HDLBP: variants seen among roughly 807,000 people sequenced by gnomAD.
The protein encoded by HDLBP is vigilin.
Under a neutral mutation model 137.3 loss-of-function variants are expected in HDLBP, and 30 were observed. The observed-to-expected ratio is 0.22, with a 90% CI of 0.16 to 0.30. HDLBP has a LOEUF of 0.30. Among genes scored for constraint, HDLBP ranks in the 10% least tolerant of loss-of-function variants. The pLI is 1.00. For synonymous variants in HDLBP, 606 were observed against 596.0 expected (o/e 1.02, Z -0.24); for missense variants, 1,119 against 1,667.3 (o/e 0.67, Z 5.73).
At chr2:241,281,950 G>C (rs1405333140) in intron 1 of HDLBP, among the ~76,000 whole-genome samples, 1 of 152,160 alleles carries the variant, frequency 6.6e-6, no homozygotes, top group East Asian at 1.9e-4. Flanking sequence ...TGACAAGGGA[G>C]TTTTTCTCAT....
At chr2:241,255,180 C>G in intron 8 of HDLBP, 22 bp from the exon 9 acceptor site, 1 of 1,603,962 alleles carries the variant, frequency 6.2e-7, no homozygotes, top group South Asian at 1.1e-5. Flanking sequence ...GGAGAACAGC[C>G]ATGGGTTTGC....
intron 1 of HDLBP, chr2:241,273,266 A>G: frequency 1.1e-5 from 11 of 976,976 alleles, no homozygotes; most frequent in Non-Finnish European, 1.3e-5. Context: ...CAGGGCTTTC[A>G]TTCCCTCATT....
Position 241,284,319 on chromosome 2 carries a change from G to A in HDLBP, c.-102-15778C>T, listed in dbSNP as rs375342228. On this transcript the variant is annotated intron_variant, in intron 1 of 27. Transcript: ENST00000310931. ...CATTCCGGATGCCATGACTTTGAGG[G>A]GTTCAAGACTTCAGTGGAGAAAGCA... Among the ~76,000 whole-genome samples the A allele has an allele frequency of 7.2e-5, 11 of 152,000 alleles. No individual in the cohort carries two copies. The South Asian group carries it at 1.0e-3, about 14-fold the overall frequency.
Position 241,240,271 on chromosome 2 carries a change from C to T in HDLBP, c.2170-149G>A. On this transcript the variant is annotated intron_variant, in intron 17 of 27. Transcript: ENST00000310931. The surrounding 1 kb of genome is among the most constrained non-coding windows in gnomAD (Gnocchi z 5.5). ...TTGCACCAATACCCCCAAAATGGGG[C>T]TAGCACACCTCACTGAATAAACAGA... is the stretch of plus-strand genomic sequence containing the variant. The T allele has an allele frequency of 1.4e-6, 1 of 713,406 alleles. No homozygotes were observed. The allele number at this position is 713,406 out of a possible 1,614,324, so 44.2% of individuals were successfully genotyped here. A position where few individuals can be genotyped will look rare whatever the true frequency, so the allele number is the denominator to read the frequency against.
intron 24 of HDLBP, among the ~76,000 whole-genome samples, chr2:241,232,289 T>TA (rs2069858076): frequency 6.6e-6 from 1 of 152,026 alleles, no homozygotes; most frequent in Non-Finnish European, 1.5e-5. Context: ...TTTTTTTTTT[T>TA]TTTAAAGACA....
In HDLBP at chr2:241,230,653, G is replaced by T; in HGVS notation, c.3474+106C>A. 1.0e-6 allele frequency: 1 copy of T among 953,398 alleles called. No individual in the cohort carries two copies. 59.1% of individuals were successfully genotyped at this position (953,398 alleles called of 1,614,324 possible). A position where few individuals can be genotyped will look rare whatever the true frequency, so the allele number is the denominator to read the frequency against. On this transcript the variant is annotated intron_variant, in intron 25 of 27. Transcript: ENST00000310931. The surrounding 1 kb of genome is among the most constrained non-coding windows in gnomAD (Gnocchi z 5.0). ...GTTCCACTGCCAGCCCTGGGGTTGT[G>T]GCCTCATCATCTTGAGGGGAAGGCC...
intron 1 of HDLBP, among the ~76,000 whole-genome samples, chr2:241,287,786 A>T (rs895322609): frequency 1.3e-5 from 2 of 152,348 alleles, no homozygotes; most frequent in African/African-American, 4.8e-5. Context: ...TTGTACATGC[A>T]TAAGACCTCT....
intron 1 of HDLBP, among the ~76,000 whole-genome samples, chr2:241,277,500 A>G (rs1483448112): frequency 6.6e-6 from 1 of 152,250 alleles, no homozygotes; most frequent in Non-Finnish European, 1.5e-5. Flanking sequence ...AACTACAGCT[A>G]AAATGGAGAC....
intron 11 of HDLBP, among the ~76,000 whole-genome samples, chr2:241,252,379 G>A (rs778805018): frequency 2.0e-5 from 3 of 152,202 alleles, no homozygotes; most frequent in Non-Finnish European, 4.4e-5. Flanking sequence ...GCATGCACCT[G>A]TAGTCCCAGC....
chr2:241,241,351 A>G (rs1206567342), intron 17 of HDLBP, among the ~76,000 whole-genome samples: 1 of 151,958 alleles, frequency 6.6e-6, no homozygotes, highest in Non-Finnish European at 1.5e-5. Context: ...GCGGATCACG[A>G]GGTCAGGAGA....
At chr2:241,232,506 C>T (rs1039169972) in intron 24 of HDLBP, among the ~76,000 whole-genome samples, 1 of 152,168 alleles carries the variant, frequency 6.6e-6, no homozygotes, top group African/African-American at 2.4e-5. Flanking sequence ...GAACTCCTGA[C>T]CTCAGGGGAT....
chr2:241,300,722 C>T (rs2075365571), intron 1 of HDLBP, among the ~76,000 whole-genome samples: 2 of 152,158 alleles, frequency 1.3e-5, no homozygotes, highest in African/African-American at 4.8e-5. Context: ...AGGCCAGGTC[C>T]TCCTCTCTCT....
rs116806277 is a variant in HDLBP, at chr2:241,240,262, A to G, written c.2170-140T>C. 9.6e-3 allele frequency: 7,381 copies of G among 768,302 alleles called. 120 individuals carry two copies. The highest frequency in any genetic ancestry group is 0.059 in the African/African-American group (3,450 of 58,564). 47.6% of individuals were successfully genotyped at this position (768,302 alleles called of 1,614,324 possible). A position where few individuals can be genotyped will look rare whatever the true frequency, so the allele number is the denominator to read the frequency against. ...GTCCTGATGTTGCACCAATACCCCC[A>G]AAATGGGGCTAGCACACCTCACTGA... On this transcript the variant is annotated intron_variant, in intron 17 of 27. Transcript: ENST00000310931. The surrounding 1 kb of genome is among the most constrained non-coding windows in gnomAD (Gnocchi z 5.5).
chr2:241,252,924 A>G (rs368500242), intron 11 of HDLBP, 33 bp downstream of exon 11: 121 of 1,504,374 alleles, frequency 8.0e-5, no homozygotes, highest in Non-Finnish European at 1.1e-4. Flanking sequence ...CTCAGGGCAC[A>G]CTGGCCCCAC....
rs376021997 is a variant in HDLBP, at chr2:241,256,395, T to C, written c.662A>G (p.Lys221Arg). 3.4e-5 allele frequency: 55 copies of C among 1,605,018 alleles called. No homozygotes were observed. Among genetic ancestry groups the C allele is most frequent in the East Asian group, 2.5e-4 (11 of 44,786 alleles). ...TACTTCTAGCCTCTCCACAGCACGT[T>C]TGTCCTGGAAAGGAAGGGATGATCT... Reference protein sequence around the residue: ...EVLLISAEQDKRAVERLEVEK... With the variant: ...EVLLISAEQDRRAVERLEVEK... Residue 221 changes from lysine (K) to arginine (R), a missense_variant, in exon 7 of 28, where the codon AAA becomes AGA. Physicochemically the swap from Lys to Arg is conservative, Grantham distance 26. Transcript: ENST00000310931.
chr2:241,237,226 G>T (rs983907458), intron 20 of HDLBP, among the ~76,000 whole-genome samples: 7 of 152,170 alleles, frequency 4.6e-5, no homozygotes, highest in African/African-American at 1.4e-4. Context: ...AGTGGGAAGG[G>T]GGGTGAGAGG....
chr2:241,236,578 CTTGGCGGGGG>C (rs1352985036), intron 21 of HDLBP, 27 bp downstream of exon 21: 6 of 1,608,742 alleles, frequency 3.7e-6, no homozygotes, highest in Non-Finnish European at 5.1e-6. Context: ...CTGACTGGGC[CTTGGCGGGGG>C]GTGGAGGGGG....
At position 241,266,807 on chromosome 2, in the gene HDLBP, C is replaced by T. The variant is rs760642229; in HGVS notation, c.63G>A (p.Pro21=). ...SFAEHRSGLV[P]QQIKVATLNS... ...AAGGGCTGTCACCTTTGATTTGTTG[C>T]GGAACCAGCCCACTTCGGTGTTCAG... Residue 21 remains proline, a synonymous_variant, in exon 3 of 28, where the codon CCG becomes CCA. Coordinates refer to ENST00000310931, the MANE Select transcript of HDLBP (RefSeq NM_005336.6). 1.2e-5 allele frequency: 19 copies of T among 1,609,088 alleles called. No homozygotes were observed. Among genetic ancestry groups the T allele is most frequent in the African/African-American group, 4.0e-5 (3 of 74,916 alleles).
At chr2:241,300,219 G>C (rs2075345234) in intron 1 of HDLBP, among the ~76,000 whole-genome samples, 1 of 152,022 alleles carries the variant, frequency 6.6e-6, no homozygotes, top group Admixed American at 6.5e-5. Context: ...ACCCCGCCCA[G>C]TTCTTCCTAG....
Sources: gnomAD v4.1 joint callset for allele counts (sites outside exome capture counted in the v4.1 genomes callset) on GRCh38, gnomAD v4.1.1 for gene constraint, Gnocchi (gnomAD v3.1) non-coding constraint, MANE v1.5 for transcripts, NCBI Gene and HGNC (gene_info 2026-07-23, HGNC 2026-07-21) for gene names.